Variants in DLG5 observed in about 807,000 individuals in gnomAD.
DLG5 encodes the protein disks large homolog 5.
Under a neutral mutation model 189.8 loss-of-function variants are expected in DLG5, and 48 were observed. The observed-to-expected ratio is 0.25, with a 90% CI of 0.20 to 0.32. The LOEUF is 0.32. Ranked by LOEUF, DLG5 falls within the 10% of genes least tolerant of loss-of-function variation. The pLI, the probability that DLG5 is intolerant of heterozygous loss-of-function variation, is 1.00. For synonymous variants in DLG5, 1,016 were observed against 1,054.1 expected (o/e 0.96, Z 0.70); for missense variants, 2,160 against 2,544.7 (o/e 0.85, Z 3.25).
chr10:77,936,578 T>G, the DLG5 span, among the ~76,000 whole-genome samples: 1 of 152,236 alleles, frequency 6.6e-6, no homozygotes, highest in African/African-American at 2.4e-5. Context: ...GATTAATCCT[T>G]AGAAAGGACT....
intron 1 of DLG5, among the ~76,000 whole-genome samples, chr10:77,871,853 G>GT (rs1461822420): frequency 4.6e-5 from 7 of 151,882 alleles, no homozygotes; most frequent in Non-Finnish European, 8.8e-5. Flanking sequence ...TGCATCACAT[G>GT]TTTTTTTAAC....
intron 1 of DLG5, among the ~76,000 whole-genome samples, chr10:77,924,167 C>T (rs935031432): frequency 1.3e-5 from 2 of 152,174 alleles, no homozygotes; most frequent in African/African-American, 4.8e-5. Flanking sequence ...ACCCAACCAG[C>T]GTTTTTCTAA....
rs1589169786 is a variant in DLG5 at position 77,829,371 on chromosome 10, G to C, written c.2169C>G (p.Asn723Lys). ...GCCCGCTACCTTTCTGTCCACTGAG[G>C]TTGATGTGCAGCGGCGTGACCACCT... is the stretch of plus-strand genomic sequence containing the variant. ...GGKVVTPLHINLSGQKDSGIS... is the reference protein window; with the variant it reads ...GGKVVTPLHIKLSGQKDSGIS... Residue 723 changes from asparagine to lysine, a missense_variant, in exon 12 of 32, where the codon AAC (asparagine) becomes AAG (lysine). By Grantham distance (94) the Asn-to-Lys change is moderately conservative. This residue lies in a region of DLG5 where 107 missense variants were observed against 214.5 expected (regional missense o/e 0.50). Transcript: ENST00000372391. 6.2e-7 allele frequency: 1 copy of C among 1,614,082 alleles called. No homozygotes were observed. The highest frequency in any genetic ancestry group is 8.5e-7 in the Non-Finnish European group (1 of 1,180,046).
At chr10:77,868,970 C>T (rs951701514) in intron 2 of DLG5, 159 bp downstream of exon 2, 111 of 654,968 alleles carry the variant, frequency 1.7e-4, no homozygotes, top group Non-Finnish European at 7.2e-5. Flanking sequence ...AACTGGGTTT[C>T]TGATGATGGG....
Position 77,811,986 on chromosome 10 carries a change from G to A in DLG5, c.4260C>T (p.Thr1420=), listed in dbSNP as rs766756905. The change falls in exon 22 of 32, where the codon ACC becomes ACT. Residue 1420 remains threonine (T), a synonymous_variant. Coordinates refer to ENST00000372391, the MANE Select transcript of DLG5 (RefSeq NM_004747.4). ...GGTTGTACTGGGCCAGGATGGTGAT[G>A]GTATCACACTGCTGCCCGATGATGA... ...ARLIIGQQCD[T]ITILAQYNPH... is the part of the protein sequence containing the mutation. 7 of 1,610,802 alleles carry A rather than the reference G, an allele frequency of 4.3e-6. No individual in the cohort carries two copies. Among genetic ancestry groups the A allele is most frequent in the South Asian group, 1.1e-5 (1 of 91,078 alleles).
At chr10:77,869,514 C>T (rs1844816538) in intron 1 of DLG5, 1 of 381,470 alleles carries the variant, frequency 2.6e-6, no homozygotes, top group African/African-American at 2.2e-5. Context: ...CCCAGGTAAA[C>T]ATGGGGTGTG....
chr10:77,829,613 G>A (rs1842806522), intron 11 of DLG5, 83 bp from the exon 12 acceptor site: 2 of 1,476,668 alleles, frequency 1.4e-6, no homozygotes, highest in Admixed American at 2.1e-5. Flanking sequence ...TCAGGGGGCT[G>A]ACTGCCAAGG....
At chr10:77,886,357 G>T (rs571737358) in intron 1 of DLG5, among the ~76,000 whole-genome samples, 1 of 149,480 alleles carries the variant, frequency 6.7e-6, no homozygotes, top group Admixed American at 6.7e-5. Flanking sequence ...GTTGTCACTA[G>T]AGAACCGTGT....
At chr10:77,853,820 C>T (rs892617321) in intron 4 of DLG5, among the ~76,000 whole-genome samples, 2 of 152,294 alleles carry the variant, frequency 1.3e-5, no homozygotes, top group African/African-American at 4.8e-5. Context: ...CCTCCAAATA[C>T]TGGGGCCTGG....
chr10:77,800,564 C>A (rs1040754138), intron 27 of DLG5, among the ~76,000 whole-genome samples: 4 of 151,966 alleles, frequency 2.6e-5, no homozygotes, highest in African/African-American at 7.3e-5. Flanking sequence ...GGCACGGGGC[C>A]GCCGCTGAGG....
chr10:77,822,232 A>G, intron 14 of DLG5, 131 bp from the exon 15 acceptor site: 1 of 965,676 alleles, frequency 1.0e-6, no homozygotes, highest in Non-Finnish European at 1.5e-6. Context: ...AGAGACAGAT[A>G]GACAGAGATG....
intron 8 of DLG5, among the ~76,000 whole-genome samples, chr10:77,834,774 C>T (rs955734004): frequency 2.0e-5 from 3 of 152,108 alleles, no homozygotes; most frequent in South Asian, 2.1e-4. Flanking sequence ...TGGAGACACC[C>T]GTGGAAGGGG....
intron 5 of DLG5, among the ~76,000 whole-genome samples, chr10:77,849,394 T>C (rs1424696411): frequency 6.6e-6 from 1 of 152,226 alleles, no homozygotes; most frequent in Non-Finnish European, 1.5e-5. Flanking sequence ...GCTGGCCTAC[T>C]GCCACCTGAG....
chr10:77,847,251 G>A (rs925401810), intron 5 of DLG5, among the ~76,000 whole-genome samples: 7 of 152,056 alleles, frequency 4.6e-5, no homozygotes, highest in Non-Finnish European at 7.4e-5. Context: ...ATCAGGCCCC[G>A]TACTGCTTGC....
intron 1 of DLG5, among the ~76,000 whole-genome samples, chr10:77,923,451 T>G (rs1846592967): frequency 6.6e-6 from 1 of 152,192 alleles, no homozygotes; most frequent in Admixed American, 6.5e-5. Context: ...CACAGCAATT[T>G]ACCCTTCACA....
At chr10:77,890,312 C>T (rs71475689) in intron 1 of DLG5, among the ~76,000 whole-genome samples, 1,621 of 152,290 alleles carry the variant, frequency 0.011, 11 homozygotes, top group Non-Finnish European at 0.017. Context: ...TCTACCTGTC[C>T]TACCTCCAAG....
At chr10:77,936,192 C>A in the DLG5 span, among the ~76,000 whole-genome samples, 3 of 152,232 alleles carry the variant, frequency 2.0e-5, 1 homozygote, top group African/African-American at 7.2e-5. Context: ...GTAATCCCAG[C>A]ACTTTGGGAG....
At chr10:77,878,322 T>C (rs548220784) in intron 1 of DLG5, among the ~76,000 whole-genome samples, 1 of 152,318 alleles carries the variant, frequency 6.6e-6, no homozygotes, top group South Asian at 2.1e-4. Flanking sequence ...ATAGGAAGAA[T>C]AGTAGGTGAT....
chr10:77,803,608 AG>A (rs1841325615), intron 27 of DLG5, among the ~76,000 whole-genome samples: 1 of 152,244 alleles, frequency 6.6e-6, no homozygotes, highest in Admixed American at 6.5e-5. Flanking sequence ...AACGATAAAA[AG>A]GTTAATTTAC....
Sources: gnomAD v4.1 joint callset for allele counts (sites outside exome capture counted in the v4.1 genomes callset) on GRCh38, gnomAD v4.1.1 for gene constraint, gnomAD v4.1.1 regional missense constraint, MANE v1.5 for transcripts, NCBI Gene and HGNC (gene_info 2026-07-23, HGNC 2026-07-21) for gene names.